Variants in RSPH14 observed in about 807,000 individuals in gnomAD.
RSPH14 encodes the protein rhabdoid tumor deletion region gene 1.
A neutral mutation model predicts 26.7 loss-of-function variants in RSPH14; 20 were observed. That is an observed-to-expected ratio of 0.75 (90% CI 0.53 to 1.09). The LOEUF is 1.09. Ranked by LOEUF, RSPH14 falls within the 50% of genes least tolerant of loss-of-function variation. The pLI is 0.00. For missense variants in RSPH14, 449 were observed against 457.2 expected (o/e 0.98, Z 0.16); for synonymous variants, 177 against 189.3 (o/e 0.93, Z 0.53).
In RSPH14 at chr22:23,130,115, G is replaced by GAA. The variant is rs796603818; in HGVS notation, c.421+3909_421+3910dup. Among the ~76,000 whole-genome samples the GAA allele has an allele frequency of 9.7e-5, 9 of 92,554 alleles. No homozygotes were observed. In the East Asian group the frequency reaches 1.3e-3, roughly 13 times the overall value. 60.7% of individuals were successfully genotyped at this position (92,554 alleles called of 152,430 possible). On this transcript the variant is annotated intron_variant, in intron 4 of 6. Coordinates refer to ENST00000216036, the MANE Select transcript of RSPH14 (RefSeq NM_014433.3). ...AGAAAGAAAGAAAGAAAGAAAGAAA[G>GAA]AAAGAAAGAAAGAAAGAAAGAAAGA...
intron 4 of RSPH14, among the ~76,000 whole-genome samples, chr22:23,118,757 G>C (rs1192608497): frequency 6.6e-6 from 1 of 152,168 alleles, no homozygotes. Context: ...CATGGGGCAG[G>C]GCCACATGAC....
chr22:23,091,106 G>A lies in RSPH14; in HGVS notation c.422-26973C>T, dbSNP rs2068959094. On this transcript the variant is annotated intron_variant, in intron 4 of 6. Transcript: ENST00000216036. ...CACATGCACCAGTACACATGCAGCT[G>A]CACACACGCACAACCACATGCAGAC... 4.6e-5 allele frequency among the ~76,000 whole-genome samples: 7 copies of A among 152,318 alleles called. No homozygotes were observed. The South Asian group carries it at 1.4e-3, about 32-fold the overall frequency.
At chr22:23,064,176 C>A in intron 4 of RSPH14, 43 bp from the exon 5 acceptor site, 1 of 1,570,554 alleles carries the variant, frequency 6.4e-7, no homozygotes, top group East Asian at 2.2e-5. Flanking sequence ...TGGCCACACA[C>A]CCACCCACCC....
the RSPH14 span, among the ~76,000 whole-genome samples, chr22:23,155,629 A>G: frequency 6.6e-6 from 1 of 152,238 alleles, no homozygotes; most frequent in Non-Finnish European, 1.5e-5. Flanking sequence ...GTGGACTGCT[A>G]CATCTTCAGA....
chr22:23,161,040 G>A, the RSPH14 span: 3 of 1,558,516 alleles, frequency 1.9e-6, no homozygotes, highest in Non-Finnish European at 1.7e-6. Context: ...GAGTAGGCTG[G>A]AGGCCTAAAA....
intron 4 of RSPH14, among the ~76,000 whole-genome samples, chr22:23,072,446 G>A (rs1366854313): frequency 6.6e-6 from 1 of 152,176 alleles, no homozygotes; most frequent in Non-Finnish European, 1.5e-5. Flanking sequence ...TCTGAGACAG[G>A]AGGTGAATAA....
chr22:23,117,144 TA>T (rs2069864592), intron 4 of RSPH14, among the ~76,000 whole-genome samples: 2 of 152,146 alleles, frequency 1.3e-5, no homozygotes, highest in African/African-American at 4.8e-5. Flanking sequence ...CCAGACCTGT[TA>T]CCAGGAACGT....
chr22:23,117,889 A>C (rs1398575343), intron 4 of RSPH14, among the ~76,000 whole-genome samples: 1 of 152,140 alleles, frequency 6.6e-6, no homozygotes, highest in East Asian at 1.9e-4. Flanking sequence ...CACCACCCCC[A>C]CAACTAACCA....
At chr22:23,081,936 T>C (rs2068690914) in intron 4 of RSPH14, among the ~76,000 whole-genome samples, 1 of 150,132 alleles carries the variant, frequency 6.7e-6, no homozygotes, top group Admixed American at 6.6e-5. Context: ...CCATCCTGGC[T>C]AACACAGTGA....
chr22:23,160,746 T>G, the RSPH14 span: 2 of 1,261,696 alleles, frequency 1.6e-6, no homozygotes, highest in Non-Finnish European at 2.2e-6. Flanking sequence ...CCTGGGGTCA[T>G]TGTTACTGTC....
intron 4 of RSPH14, among the ~76,000 whole-genome samples, chr22:23,115,549 G>A (rs1047509918): frequency 1.3e-5 from 2 of 152,148 alleles, no homozygotes; most frequent in Non-Finnish European, 2.9e-5. Flanking sequence ...GAGCGAGGAG[G>A]AGGCCCAGAA....
the RSPH14 span, among the ~76,000 whole-genome samples, chr22:23,171,013 G>C: frequency 6.6e-6 from 1 of 151,758 alleles, no homozygotes; most frequent in Non-Finnish European, 1.5e-5. Context: ...CTGTCCCCAG[G>C]CTGGAGTGCA....
chr22:23,065,080 C>G (rs1403664822), intron 4 of RSPH14, among the ~76,000 whole-genome samples: 1 of 152,194 alleles, frequency 6.6e-6, no homozygotes, highest in African/African-American at 2.4e-5. Flanking sequence ...AGGTGGCCAC[C>G]AGAAGACACC....
chr22:23,145,622 G>A (rs1357155188), upstream of RSPH14: 1 of 1,473,114 alleles, frequency 6.8e-7, no homozygotes, highest in East Asian at 2.4e-5. Flanking sequence ...CCCGAGGCCA[G>A]GGCCGCGAGG....
At chr22:23,123,007 T>C in intron 4 of RSPH14, 3 of 927,322 alleles carry the variant, frequency 3.2e-6, no homozygotes, top group Non-Finnish European at 3.4e-6. Flanking sequence ...AGCAAAGGCT[T>C]CCTCTGGCAG....
chr22:23,157,544 C>CCA, the RSPH14 span, among the ~76,000 whole-genome samples: 6 of 152,192 alleles, frequency 3.9e-5, no homozygotes, highest in Non-Finnish European at 8.8e-5. Flanking sequence ...CAGGCATGAG[C>CCA]CACAGCGCCT....
rs201031515 is a variant in RSPH14, at chr22:23,123,392, C to T, written c.421+10634G>A. 23 of 1,613,870 alleles carry T rather than the reference C, an allele frequency of 1.4e-5. No individual in the cohort carries two copies. In the East Asian group the frequency reaches 4.9e-4, roughly 34 times the overall value. On this transcript the variant is annotated intron_variant, in intron 4 of 6. Coordinates refer to ENST00000216036, the MANE Select transcript of RSPH14 (RefSeq NM_014433.3). ...TTGTCTTCGACGCGGTGACAGACGT[C>T]ATCATACAGAACAATCTCAAGTACA...
At chr22:23,085,379 C>G (rs2068790274) in intron 4 of RSPH14, among the ~76,000 whole-genome samples, 1 of 152,198 alleles carries the variant, frequency 6.6e-6, no homozygotes, top group African/African-American at 2.4e-5. Context: ...AGCAGGGCCA[C>G]ACACAGTGGG....
intron 4 of RSPH14, among the ~76,000 whole-genome samples, chr22:23,127,055 C>A (rs1257968221): frequency 3.0e-4 from 45 of 152,178 alleles, no homozygotes; most frequent in Non-Finnish European, 8.8e-5. Context: ...CACAATGTGA[C>A]CCCACCAGGC....
Sources: allele counts gnomAD v4.1 joint callset (sites outside exome capture counted in the v4.1 genomes callset), GRCh38; gene constraint gnomAD v4.1.1; transcripts MANE v1.5; gene names NCBI Gene and HGNC (gene_info 2026-07-23, HGNC 2026-07-21).